MEGF6: variants seen among roughly 807,000 people sequenced by gnomAD.
MEGF6 encodes the protein multiple EGF like domains 6.
In MEGF6, 184 loss-of-function variants were observed where a neutral mutation model predicts 207.1. The ratio of observed to expected loss-of-function variants is 0.89; its 90% CI spans 0.79 to 1.00. The LOEUF is 1.00. Ranked by LOEUF, MEGF6 falls within the 50% of genes least tolerant of loss-of-function variation. MEGF6 has a pLI of 0.00. For missense variants in MEGF6, 2,282 were observed against 2,202.9 expected, an observed-to-expected ratio of 1.04 and a Z score of -0.72; for synonymous variants, 1,038 against 910.0, an observed-to-expected ratio of 1.14 and a Z score of -2.53.
In MEGF6 at chr1:3,524,368, A is replaced by T. The variant is rs370099860; in HGVS notation, c.482-122T>A. On this transcript the variant is annotated intron_variant, in intron 4 of 36. Coordinates refer to ENST00000356575, the MANE Select transcript of MEGF6 (RefSeq NM_001409.4). ...CTCCCGTGCCTCGAGGGCACCACCCATGAGCCCCTCACCCACATCTGCCGG... is the reference window on the plus strand; with the variant it reads ...CTCCCGTGCCTCGAGGGCACCACCCTTGAGCCCCTCACCCACATCTGCCGG... The T allele has an allele frequency of 2.9e-5, 37 of 1,277,702 alleles. No homozygotes were observed. The African/African-American group carries it at 4.0e-4, about 14-fold the overall frequency. The allele number at this position is 1,277,702 out of a possible 1,614,324, so 79.1% of individuals were successfully genotyped here.
chr1:3,579,062 G>A (rs927918928), intron 4 of MEGF6, among the ~76,000 whole-genome samples: 5 of 152,328 alleles, frequency 3.3e-5, no homozygotes, highest in South Asian at 2.1e-4. Context: ...GCCACCACAC[G>A]AGCAGTCCCA....
chr1:3,550,567 T>C (rs1557770117), intron 4 of MEGF6, among the ~76,000 whole-genome samples: 3 of 152,208 alleles, frequency 2.0e-5, no homozygotes, highest in African/African-American at 7.2e-5. Flanking sequence ...AAAAACGTCA[T>C]CCCAAGACTG....
At chr1:3,531,096 G>T (rs1050444709) in intron 4 of MEGF6, 2 of 1,525,948 alleles carry the variant, frequency 1.3e-6, no homozygotes, top group Non-Finnish European at 1.8e-6. Context: ...TCTGGTCACC[G>T]GCGCTCACGG....
At chr1:3,587,477 G>C (rs950255099) in intron 3 of MEGF6, among the ~76,000 whole-genome samples, 1 of 152,218 alleles carries the variant, frequency 6.6e-6, no homozygotes, top group African/African-American at 2.4e-5. Flanking sequence ...TTAACCTATA[G>C]CATTTATATA....
intron 4 of MEGF6, among the ~76,000 whole-genome samples, chr1:3,567,140 C>G (rs1385247689): frequency 6.6e-6 from 1 of 152,260 alleles, no homozygotes; most frequent in African/African-American, 2.4e-5. Context: ...TGGGCAACGC[C>G]TCACCTACCC....
At chr1:3,532,858 G>A (rs1420551801) in intron 4 of MEGF6, among the ~76,000 whole-genome samples, 1 of 152,220 alleles carries the variant, frequency 6.6e-6, no homozygotes, top group Non-Finnish European at 1.5e-5. Context: ...CTGGGTTCTG[G>A]GGATGCAGTG....
intron 14 of MEGF6, among the ~76,000 whole-genome samples, chr1:3,506,664 T>A (rs1342130383): frequency 6.6e-6 from 1 of 152,190 alleles, no homozygotes; most frequent in African/African-American, 2.4e-5. Context: ...AGAAAGGTCC[T>A]CGCCTTTCTT....
chr1:3,621,884 C>T, the MEGF6 span, among the ~76,000 whole-genome samples: 2 of 152,320 alleles, frequency 1.3e-5, no homozygotes, highest in South Asian at 4.1e-4. Context: ...TTTGGACTTG[C>T]ATGGGGCTTT....
chr1:3,497,209 G>A lies in MEGF6; in HGVS notation c.3481+24C>T, dbSNP rs560092126. On this transcript the variant is annotated intron_variant, in intron 27 of 36. Coordinates refer to ENST00000356575, the MANE Select transcript of MEGF6 (RefSeq NM_001409.4). The stretch of plus-strand genomic sequence containing the variant: ...ATTCCCCCTGCCCAGCCGCTCCTCG[G>A]GGTGGGGGCTTGGGAGCACCTACCC... 9 of 1,531,394 alleles carry A rather than the reference G, an allele frequency of 5.9e-6. No individual in the cohort carries two copies. In the African/African-American group the frequency reaches 1.1e-4, roughly 19 times the overall value. The allele number at this position is 1,531,394 out of a possible 1,614,324, so 94.9% of individuals were successfully genotyped here. A position where few individuals can be genotyped will look rare whatever the true frequency, so the allele number is the denominator to read the frequency against.
rs944220763 is a variant in MEGF6 at position 3,498,374 on chromosome 1, T to C, written c.3349A>G (p.Ser1117Gly). 2 of 1,601,794 alleles carry C rather than the reference T, an allele frequency of 1.2e-6. No homozygotes were observed. The highest frequency in any genetic ancestry group is 1.7e-6 in the Non-Finnish European group (2 of 1,177,464). ...PAGWTGDKCQSPCLRGWFGEA... is the reference protein window; with the variant it reads ...PAGWTGDKCQGPCLRGWFGEA... ...CCTGCTGCCCCGCCCCACTCACGGC[T>C]CTGACACTTGTCCCCAGTCCAGCCG... is the stretch of plus-strand genomic sequence containing the variant. The change falls in exon 26 of 37, where the codon AGC (serine) becomes GGC (glycine). Residue 1117 changes from serine (S) to glycine (G), a missense_variant. Transcript: ENST00000356575.
chr1:3,557,030 A>G (rs867475376), intron 4 of MEGF6, among the ~76,000 whole-genome samples: 23 of 152,228 alleles, frequency 1.5e-4, no homozygotes, highest in Middle Eastern at 3.4e-3. Flanking sequence ...GGAGTCAGAG[A>G]GAGAGGCAAG....
In MEGF6 at chr1:3,514,570, G is replaced by T; in HGVS notation, c.833C>A (p.Ala278Glu). The change falls in exon 7 of 37, where the codon GCG becomes GAG. Residue 278 changes from alanine to glutamate, a missense_variant. Transcript: ENST00000356575. Reference sequence around the variant, plus strand: ...CCTACCTTCACAGGCCTTGCCGTCCGCTGCTAGCTGATAGCCCACGTGGCA... The same window carrying T: ...CCTACCTTCACAGGCCTTGCCGTCCTCTGCTAGCTGATAGCCCACGTGGCA... ...CECHVGYQLA[A>E]DGKACEDVDE... is the part of the protein sequence containing the mutation. The T allele has an allele frequency of 6.3e-7, 1 of 1,590,332 alleles. No homozygotes were observed.
intron 4 of MEGF6, among the ~76,000 whole-genome samples, chr1:3,576,211 T>C (rs909019026): frequency 1.3e-5 from 2 of 152,228 alleles, no homozygotes; most frequent in Non-Finnish European, 2.9e-5. Flanking sequence ...CAGGCCCGCT[T>C]TGTGCTCCCA....
intron 3 of MEGF6, among the ~76,000 whole-genome samples, chr1:3,589,776 G>C (rs1296733993): frequency 6.6e-6 from 1 of 152,128 alleles, no homozygotes; most frequent in African/African-American, 2.4e-5. Flanking sequence ...CACATTTTAG[G>C]GCACTGTTTT....
intron 3 of MEGF6, among the ~76,000 whole-genome samples, chr1:3,583,376 C>A (rs71503057): frequency 8.0e-5 from 3 of 37,602 alleles, no homozygotes; most frequent in African/African-American, 3.8e-4. Flanking sequence ...ACCAGACAAC[C>A]CACAGCCACC....
intron 4 of MEGF6, among the ~76,000 whole-genome samples, chr1:3,550,683 C>A (rs927490571): frequency 1.3e-5 from 2 of 152,258 alleles, no homozygotes; most frequent in Non-Finnish European, 2.9e-5. Flanking sequence ...AGGGGCCTAA[C>A]TCAGCAGCAG....
At position 3,530,983 on chromosome 1, in the gene MEGF6, AGCGCCCTGGC is replaced by A; in HGVS notation, c.482-6747_482-6738del. 5.1e-6 allele frequency: 7 copies of A among 1,377,074 alleles called. No homozygotes were observed. The South Asian group carries it at 1.1e-4, about 22-fold the overall frequency. The allele number at this position is 1,377,074 out of a possible 1,614,324, so 85.3% of individuals were successfully genotyped here. ...CCCTGCTCCCTCCAGCCTAGCAGGC[AGCGCCCTGGC>A]GCAAACTTTAAAAACAGGAAACAAA... On this transcript the variant is annotated intron_variant, in intron 4 of 36. Transcript: ENST00000356575.
chr1:3,551,336 C>T (rs534630389), intron 4 of MEGF6, among the ~76,000 whole-genome samples: 4 of 152,138 alleles, frequency 2.6e-5, no homozygotes, highest in South Asian at 4.1e-4. Flanking sequence ...CTGCTGGGGA[C>T]GACAGGACCT....
At chr1:3,507,373 G>C (rs528343204) in intron 14 of MEGF6, among the ~76,000 whole-genome samples, 2 of 152,168 alleles carry the variant, frequency 1.3e-5, no homozygotes, top group African/African-American at 2.4e-5. Context: ...GAGTTAATAA[G>C]GGAGCCAACA....
Sources: gnomAD v4.1 joint callset for allele counts (sites outside exome capture counted in the v4.1 genomes callset) on GRCh38, gnomAD v4.1.1 for gene constraint, MANE v1.5 for transcripts, NCBI Gene and HGNC (gene_info 2026-07-23, HGNC 2026-07-21) for gene names.